The following RIMS1 variants were observed in gnomAD, a reference collection of about 807,000 sequenced individuals.
RIMS1 encodes regulating synaptic membrane exocytosis protein 1.
A neutral mutation model predicts 214.1 loss-of-function variants in RIMS1; 83 were observed. The observed-to-expected ratio is 0.39, with a 90% confidence interval of 0.32 to 0.47. RIMS1 has a LOEUF of 0.47. RIMS1 is among the 20% of genes least tolerant of loss of function. RIMS1 has a pLI of 0.99. For synonymous variants in RIMS1, 793 were observed against 786.8 expected (o/e 1.01, Z -0.13); for missense variants, 2,050 against 2,161.8 (o/e 0.95, Z 1.03).
At chr6:72,094,858 T>C (rs999975367) in intron 2 of RIMS1, among the ~76,000 whole-genome samples, 1 of 152,024 alleles carries the variant, frequency 6.6e-6, no homozygotes, top group African/African-American at 2.4e-5. Context: ...TTGGTGGTTC[T>C]CACAATAAAT....
chr6:72,103,879 T>G (rs2034189478), intron 4 of RIMS1, among the ~76,000 whole-genome samples: 1 of 152,146 alleles, frequency 6.6e-6, no homozygotes, highest in Non-Finnish European at 1.5e-5. Context: ...TCATAAAACT[T>G]TTTTTAGCCA....
At chr6:72,029,058 T>C (rs1272726638) in intron 2 of RIMS1, among the ~76,000 whole-genome samples, 1 of 152,162 alleles carries the variant, frequency 6.6e-6, no homozygotes, top group Non-Finnish European at 1.5e-5. Flanking sequence ...AAAAAGGGAA[T>C]ATGGAAAAGA....
At chr6:72,022,157 G>T (rs192385958) in intron 2 of RIMS1, among the ~76,000 whole-genome samples, 1 of 152,268 alleles carries the variant, frequency 6.6e-6, no homozygotes, top group Admixed American at 6.5e-5. Context: ...ATTAGTGTGT[G>T]ATGTTTTAAC....
At chr6:71,931,451 T>G (rs1438618689) in intron 1 of RIMS1, among the ~76,000 whole-genome samples, 1 of 152,086 alleles carries the variant, frequency 6.6e-6, no homozygotes, top group Non-Finnish European at 1.5e-5. Context: ...AATTCATCAT[T>G]AGTGATGACT....
intron 2 of RIMS1, among the ~76,000 whole-genome samples, chr6:71,975,196 T>TA (rs1157278190): frequency 2.6e-5 from 4 of 152,166 alleles, no homozygotes; most frequent in Non-Finnish European, 5.9e-5. Flanking sequence ...ATAAACAATC[T>TA]ATAGTGGGTA....
intron 1 of RIMS1, among the ~76,000 whole-genome samples, chr6:71,937,202 T>A (rs1451078243): frequency 6.6e-6 from 1 of 152,216 alleles, no homozygotes; most frequent in Non-Finnish European, 1.5e-5. Flanking sequence ...GAATAGGTAA[T>A]TTATAAAGAA....
intron 29 of RIMS1, among the ~76,000 whole-genome samples, chr6:72,337,467 A>G (rs981946814): frequency 6.6e-6 from 1 of 151,860 alleles, no homozygotes; most frequent in African/African-American, 2.4e-5. Flanking sequence ...CTACATTTCT[A>G]GAGCTTTTTC....
At chr6:71,910,378 A>G (rs1409325406) in intron 1 of RIMS1, among the ~76,000 whole-genome samples, 2 of 152,196 alleles carry the variant, frequency 1.3e-5, no homozygotes, top group African/African-American at 4.8e-5. Context: ...TGGACTGGAC[A>G]TATTTTAGTC....
intron 2 of RIMS1, among the ~76,000 whole-genome samples, chr6:72,077,081 C>T (rs929377748): frequency 6.6e-6 from 1 of 152,180 alleles, no homozygotes; most frequent in African/African-American, 2.4e-5. Flanking sequence ...CCTGTCCAGC[C>T]TTTGCACGGG....
intron 2 of RIMS1, among the ~76,000 whole-genome samples, chr6:72,030,853 A>G (rs1049745989): frequency 6.6e-6 from 1 of 152,174 alleles, no homozygotes; most frequent in African/African-American, 2.4e-5. Context: ...AGAAAGATTT[A>G]GTTCAAACTC....
Position 72,138,591 on chromosome 6 carries a change from A to G in RIMS1, c.471+38605A>G, listed in dbSNP as rs527820695. 4.0e-4 allele frequency among the ~76,000 whole-genome samples: 61 copies of G among 152,348 alleles called. 1 individual carries two copies. Among genetic ancestry groups the G allele is most frequent in the African/African-American group, 1.5e-3 (61 of 41,586 alleles). ...CTGGCTGTTGACATTAGTTAAAGTC[A>G]GAGAAGTGGGATGAGAACAAGGGAG... On this transcript the variant is annotated intron_variant, in intron 4 of 33. Coordinates refer to ENST00000521978, the MANE Select transcript of RIMS1 (RefSeq NM_014989.7).
rs576734469 is a variant in RIMS1 at position 72,373,300 on chromosome 6, T to A, written c.4367-17298T>A. Among the ~76,000 whole-genome samples, 62 of 152,360 alleles carry A rather than the reference T, an allele frequency of 4.1e-4. 1 individual carries two copies. The highest frequency in any genetic ancestry group is 1.4e-3 in the African/African-American group (60 of 41,598). On this transcript the variant is annotated intron_variant, in intron 29 of 33. Coordinates refer to ENST00000521978, the MANE Select transcript of RIMS1 (RefSeq NM_014989.7). ...CCAGTATTTAATATTCTTATAAATA[T>A]ACTCCTGCTCTAATGAAAAAGTATC...
In RIMS1 at chr6:72,257,837, T is replaced by G. The variant is rs2076505595; in HGVS notation, c.2771-288T>G. On this transcript the variant is annotated intron_variant, in intron 16 of 33. Transcript: ENST00000521978. ...TCACGAACTCGTTCATTATTTAAATTGAAACAGTATCCCAACTCATCGTAA... is the reference window on the plus strand; with the variant it reads ...TCACGAACTCGTTCATTATTTAAATGGAAACAGTATCCCAACTCATCGTAA... 5.3e-5 allele frequency among the ~76,000 whole-genome samples: 8 copies of G among 152,186 alleles called. 1 individual carries two copies. The South Asian group carries it at 1.4e-3, about 28-fold the overall frequency.
intron 4 of RIMS1, among the ~76,000 whole-genome samples, chr6:72,106,855 T>A: frequency 6.6e-6 from 1 of 152,328 alleles, no homozygotes; most frequent in East Asian, 1.9e-4. Context: ...AAGGACCATT[T>A]GGGAGGACTC....
At chr6:72,183,787 G>A (rs1004041184) in intron 6 of RIMS1, among the ~76,000 whole-genome samples, 1 of 151,712 alleles carries the variant, frequency 6.6e-6, no homozygotes, top group African/African-American at 2.4e-5. Context: ...ATAAGAAAAA[G>A]TTAGGTATGT....
intron 2 of RIMS1, among the ~76,000 whole-genome samples, chr6:72,093,874 A>G (rs2030144321): frequency 6.6e-6 from 1 of 152,184 alleles, no homozygotes; most frequent in Non-Finnish European, 1.5e-5. Flanking sequence ...TACAGGAGTT[A>G]AAACTGAAGT....
chr6:72,143,269 C>T (rs2042298626), intron 4 of RIMS1, among the ~76,000 whole-genome samples: 1 of 152,064 alleles, frequency 6.6e-6, no homozygotes, highest in South Asian at 2.1e-4. Flanking sequence ...GAAAGAAATA[C>T]ATTTTAGATG....
chr6:72,312,136 G>A (rs2095542500), intron 27 of RIMS1, among the ~76,000 whole-genome samples: 1 of 152,092 alleles, frequency 6.6e-6, no homozygotes. Flanking sequence ...AGTTAATTTA[G>A]TATGTTTTAG....
At chr6:72,156,873 A>G (rs1588204063) in intron 4 of RIMS1, among the ~76,000 whole-genome samples, 1 of 141,188 alleles carries the variant, frequency 7.1e-6, no homozygotes, top group African/African-American at 2.4e-5. Flanking sequence ...ATTAATTGAC[A>G]TTTACGGAAA....
Sources: allele counts gnomAD v4.1 joint callset (sites outside exome capture counted in the v4.1 genomes callset), GRCh38; gene constraint gnomAD v4.1.1; transcripts MANE v1.5; gene names NCBI Gene and HGNC (gene_info 2026-07-23, HGNC 2026-07-21).